UGGT2: variants seen among roughly 807,000 people sequenced by gnomAD.
The protein encoded by UGGT2 is UDP-glucose:glycoprotein glucosyltransferase 2.
A neutral mutation model predicts 192.1 loss-of-function variants in UGGT2; 180 were observed. The observed-to-expected ratio is 0.94, with a 90% confidence interval of 0.83 to 1.06. UGGT2 has a LOEUF of 1.06. Among genes scored for constraint, UGGT2 ranks in the 50% least tolerant of loss-of-function variants. UGGT2 has a pLI of 0.00. For missense variants in UGGT2, 1,849 were observed against 1,795.7 expected (o/e 1.03, Z -0.54); for synonymous variants, 580 against 591.0 (o/e 0.98, Z 0.27).
chr13:95,958,155 A>AT (rs879372795), intron 12 of UGGT2, among the ~76,000 whole-genome samples: 141 of 145,638 alleles, frequency 9.7e-4, no homozygotes, highest in African/African-American at 1.8e-3. Flanking sequence ...AGAAGGCAGA[A>AT]TTTTTTTTTT....
At chr13:96,023,823 T>G in intron 2 of UGGT2, 64 bp from the exon 3 acceptor site, 1 of 1,328,424 alleles carries the variant, frequency 7.5e-7, no homozygotes, top group Non-Finnish European at 1.0e-6. Flanking sequence ...TGGCACATCT[T>G]CCACTGTAAG....
chr13:95,947,223 A>G lies in UGGT2; in HGVS notation c.1542-51T>C, dbSNP rs187509406. 2.1e-5 allele frequency: 31 copies of G among 1,480,376 alleles called. No homozygotes were observed. In the East Asian group the frequency reaches 7.3e-4, roughly 35 times the overall value. 91.7% of individuals were successfully genotyped at this position (1,480,376 alleles called of 1,614,324 possible). A position where few individuals can be genotyped will look rare whatever the true frequency, so the allele number is the denominator to read the frequency against. On this transcript the variant is annotated intron_variant, in intron 14 of 38. Transcript: ENST00000376747. ...TGTTATAATTACCTCTTGAATCACAATAAACCATTATTTAGAAACGTTATT... is the reference window on the plus strand; with the variant it reads ...TGTTATAATTACCTCTTGAATCACAGTAAACCATTATTTAGAAACGTTATT...
rs760443769 is a variant in UGGT2, at chr13:95,972,573, T to C, written c.1184+7A>G. 3.8e-6 allele frequency: 6 copies of C among 1,598,936 alleles called. No individual in the cohort carries two copies. The highest frequency in any genetic ancestry group is 3.4e-5 in the Admixed American group (2 of 59,532). On this transcript the variant is annotated splice_region_variant and intron_variant, in intron 11 of 38. Coordinates refer to ENST00000376747, the MANE Select transcript of UGGT2 (RefSeq NM_020121.4). ...TAGTTCATTTACAGCAATAATTTAATACTTACCTAAAAGCGTCATAAACAT... is the reference window on the plus strand; with the variant it reads ...TAGTTCATTTACAGCAATAATTTAACACTTACCTAAAAGCGTCATAAACAT...
chr13:95,822,684 A>G (rs1451986301), intron 38 of UGGT2, among the ~76,000 whole-genome samples: 1 of 151,946 alleles, frequency 6.6e-6, no homozygotes, highest in Non-Finnish European at 1.5e-5. Flanking sequence ...AATTGAGCTT[A>G]TTTGGATTTT....
chr13:96,052,129 A>T (rs968497126), intron 1 of UGGT2, among the ~76,000 whole-genome samples: 4 of 152,218 alleles, frequency 2.6e-5, no homozygotes, highest in Admixed American at 1.3e-4. Flanking sequence ...ATGGAACACT[A>T]CTCAGCCATA....
chr13:95,951,550 G>C (rs2050063357), intron 12 of UGGT2, among the ~76,000 whole-genome samples: 1 of 152,210 alleles, frequency 6.6e-6, no homozygotes, highest in Non-Finnish European at 1.5e-5. Context: ...CCTTCAAGCA[G>C]TGCCACTTTT....
chr13:95,882,319 C>A (rs554896574), intron 27 of UGGT2, among the ~76,000 whole-genome samples: 1 of 152,234 alleles, frequency 6.6e-6, no homozygotes, highest in East Asian at 1.9e-4. Context: ...GGAGAATTTT[C>A]CCAGATCAAG....
At chr13:95,809,832 G>T (rs1884491883) in intron 38 of UGGT2, among the ~76,000 whole-genome samples, 1 of 152,160 alleles carries the variant, frequency 6.6e-6, no homozygotes, top group Admixed American at 6.5e-5. Flanking sequence ...TTTAGATCCT[G>T]CACCTTACTT....
At chr13:95,970,622 C>T (rs933690866) in intron 11 of UGGT2, among the ~76,000 whole-genome samples, 4 of 152,102 alleles carry the variant, frequency 2.6e-5, no homozygotes, top group Non-Finnish European at 5.9e-5. Context: ...AATGTAAGAT[C>T]GAACAAGACA....
chr13:95,874,437 T>C (rs1891486216), intron 29 of UGGT2, among the ~76,000 whole-genome samples: 1 of 152,170 alleles, frequency 6.6e-6, no homozygotes, highest in South Asian at 2.1e-4. Context: ...GTTGATCTCA[T>C]AACTGAGAAT....
intron 1 of UGGT2, among the ~76,000 whole-genome samples, chr13:96,050,014 A>G (rs1164769019): frequency 1.3e-5 from 2 of 152,228 alleles, no homozygotes; most frequent in African/African-American, 4.8e-5. Flanking sequence ...GAGAGCTCGC[A>G]TTGCCAAGAC....
At chr13:95,996,851 C>T (rs1016856225) in intron 6 of UGGT2, among the ~76,000 whole-genome samples, 3 of 152,064 alleles carry the variant, frequency 2.0e-5, no homozygotes, top group African/African-American at 2.4e-5. Context: ...TAGAAAGACA[C>T]CAAAACTCAT....
At chr13:95,924,640 C>T (rs2048963501) in intron 20 of UGGT2, among the ~76,000 whole-genome samples, 1 of 152,042 alleles carries the variant, frequency 6.6e-6, no homozygotes, top group Admixed American at 6.5e-5. Flanking sequence ...ACAGAAAACA[C>T]TGTGTGTAAC....
intron 15 of UGGT2, among the ~76,000 whole-genome samples, chr13:95,943,547 T>C (rs1400521544): frequency 1.3e-5 from 2 of 151,852 alleles, no homozygotes; most frequent in African/African-American, 4.8e-5. Flanking sequence ...TAAAACAGGG[T>C]GTGGTATGTA....
Position 95,819,578 on chromosome 13 carries a change from T to C in UGGT2, c.4528+13349A>G, listed in dbSNP as rs144891042. On this transcript the variant is annotated intron_variant, in intron 38 of 38. Transcript: ENST00000376747. ...TCTATACTTCGGTAAAGAGAATGCA[T>C]CTTCTCTTTAAGAACTCATGAAACA... Among the ~76,000 whole-genome samples, 923 of 152,292 alleles carry C rather than the reference T, an allele frequency of 6.1e-3. 6 individuals are homozygous for C. The highest frequency in any genetic ancestry group is 0.018 in the South Asian group (86 of 4,828).
intron 12 of UGGT2, among the ~76,000 whole-genome samples, chr13:95,952,486 T>C (rs2050097144): frequency 2.0e-5 from 3 of 152,236 alleles, no homozygotes; most frequent in Admixed American, 2.0e-4. Flanking sequence ...AGATTACACG[T>C]AATGCCTAAT....
At chr13:95,984,914 C>A (rs2051242154) in intron 9 of UGGT2, 1 of 152,736 alleles carries the variant, frequency 6.5e-6, no homozygotes, top group Admixed American at 6.6e-5. Context: ...TTTAATAAGG[C>A]AAATTTTTCA....
At chr13:95,823,391 T>C (rs1885693876) in intron 38 of UGGT2, among the ~76,000 whole-genome samples, 1 of 152,096 alleles carries the variant, frequency 6.6e-6, no homozygotes, top group Non-Finnish European at 1.5e-5. Context: ...ATTATTGTGT[T>C]GCTATTTTAT....
chr13:95,867,589 T>C (rs1472522550), intron 29 of UGGT2, among the ~76,000 whole-genome samples, 166 bp from the exon 30 acceptor site: 1 of 152,162 alleles, frequency 6.6e-6, no homozygotes, highest in Non-Finnish European at 1.5e-5. Flanking sequence ...TAATATGCTG[T>C]AATTTTCAAA....
Sources: gnomAD v4.1 joint callset for allele counts (sites outside exome capture counted in the v4.1 genomes callset) on GRCh38, gnomAD v4.1.1 for gene constraint, MANE v1.5 for transcripts, NCBI Gene and HGNC (gene_info 2026-07-23, HGNC 2026-07-21) for gene names.